The following EHBP1 variants were observed in gnomAD, a reference collection of about 807,000 sequenced individuals.
EHBP1 encodes EH domain-binding protein 1.
A neutral mutation model predicts 144.0 loss-of-function variants in EHBP1; 55 were observed. The observed-to-expected ratio is 0.38, with a 90% CI of 0.31 to 0.48. The LOEUF (loss-of-function observed/expected upper bound fraction) is 0.48. Among genes scored for constraint, EHBP1 ranks in the 20% least tolerant of loss-of-function variants. EHBP1 has a pLI of 0.98. For missense variants in EHBP1, 1,200 were observed against 1,364.2 expected (o/e 0.88, Z 1.90); for synonymous variants, 469 against 472.7 (o/e 0.99, Z 0.10).
intron 15 of EHBP1, among the ~76,000 whole-genome samples, chr2:62,980,203 G>A (rs991724848): frequency 6.6e-6 from 1 of 152,218 alleles, no homozygotes; most frequent in Admixed American, 6.5e-5. Flanking sequence ...GGGTAAGGAG[G>A]GATAGTTTCA....
At chr2:62,838,646 T>C (rs1251590967) in intron 7 of EHBP1, among the ~76,000 whole-genome samples, 1 of 150,634 alleles carries the variant, frequency 6.6e-6, no homozygotes, top group Non-Finnish European at 1.5e-5. Flanking sequence ...CAATAAAAAA[T>C]GATAAAGGGG....
At position 62,976,390 on chromosome 2, in the gene EHBP1, G is replaced by A. The variant is rs546172432; in HGVS notation, c.2461-2798G>A. Among the ~76,000 whole-genome samples the A allele has an allele frequency of 9.2e-5, 14 of 152,218 alleles. No homozygotes were observed. The South Asian group carries it at 2.5e-3, about 27-fold the overall frequency. On this transcript the variant is annotated intron_variant, in intron 14 of 22. Coordinates refer to ENST00000431489, the MANE Select transcript of EHBP1 (RefSeq NM_001142616.3). ...TTTCTACCCTTGTCCCTAATGATAT[G>A]TCACCAAGTTTTGTTTTGTTTTTTA... is the stretch of plus-strand genomic sequence containing the variant.
At chr2:62,944,048 T>C (rs1186592017) in intron 12 of EHBP1, among the ~76,000 whole-genome samples, 198 bp downstream of exon 12, 1 of 152,226 alleles carries the variant, frequency 6.6e-6, no homozygotes, top group Non-Finnish European at 1.5e-5. Flanking sequence ...AGTGCCAGGT[T>C]GGCATCATAT....
At chr2:62,981,069 C>CAAAAA (rs754301803) in intron 15 of EHBP1, among the ~76,000 whole-genome samples, 1 of 48,282 alleles carries the variant, frequency 2.1e-5, no homozygotes. Context: ...GATGCTGTCT[C>CAAAAA]AAAAAAAAAA....
At chr2:62,860,627 T>C (rs891571227) in intron 8 of EHBP1, among the ~76,000 whole-genome samples, 6 of 152,252 alleles carry the variant, frequency 3.9e-5, no homozygotes, top group African/African-American at 1.4e-4. Context: ...ACTAAGATTC[T>C]TAATCAGGTA....
intron 14 of EHBP1, among the ~76,000 whole-genome samples, chr2:62,974,468 A>G (rs184705363): frequency 6.6e-6 from 1 of 152,322 alleles, no homozygotes; most frequent in Admixed American, 6.5e-5. Context: ...TCACCATGAC[A>G]ACTTTGCGTA....
At chr2:62,818,607 C>A (rs1573513407) in intron 5 of EHBP1, among the ~76,000 whole-genome samples, 1 of 151,988 alleles carries the variant, frequency 6.6e-6, no homozygotes, top group East Asian at 1.9e-4. Flanking sequence ...CTTATATCAG[C>A]AAAGAAGAAC....
intron 10 of EHBP1, among the ~76,000 whole-genome samples, chr2:62,887,559 G>T (rs1349219029): frequency 1.4e-5 from 2 of 144,672 alleles, no homozygotes; most frequent in Admixed American, 1.4e-4. Context: ...GCAATATAGT[G>T]AGATAGGTCT....
At chr2:63,017,729 A>G (rs2060541609) in intron 19 of EHBP1, among the ~76,000 whole-genome samples, 1 of 152,216 alleles carries the variant, frequency 6.6e-6, no homozygotes. Flanking sequence ...ATAATGAATT[A>G]ATATTGTTCT....
intron 3 of EHBP1, among the ~76,000 whole-genome samples, chr2:62,763,585 G>A (rs545566493): frequency 6.6e-5 from 10 of 152,292 alleles, no homozygotes; most frequent in African/African-American, 2.2e-4. Flanking sequence ...TAGTTGAGTT[G>A]AGATGTCTTG....
At chr2:62,803,478 G>A (rs906249848) in intron 5 of EHBP1, among the ~76,000 whole-genome samples, 1 of 152,050 alleles carries the variant, frequency 6.6e-6, no homozygotes. Flanking sequence ...TTGTCACTTC[G>A]ATGGGTGAAA....
chr2:62,849,678 A>G (rs903460006), intron 7 of EHBP1, among the ~76,000 whole-genome samples: 1 of 152,234 alleles, frequency 6.6e-6, no homozygotes, highest in Non-Finnish European at 1.5e-5. Context: ...AAGATGATGC[A>G]AAGTATTATG....
chr2:62,777,030 A>G (rs2042096887), intron 5 of EHBP1, among the ~76,000 whole-genome samples: 1 of 152,188 alleles, frequency 6.6e-6, no homozygotes, highest in African/African-American at 2.4e-5. Context: ...GCTAGAGTGC[A>G]GTGTTGTGAT....
At chr2:62,692,264 T>C (rs773482997) in intron 1 of EHBP1, among the ~76,000 whole-genome samples, 9 of 152,238 alleles carry the variant, frequency 5.9e-5, no homozygotes, top group Non-Finnish European at 8.8e-5. Flanking sequence ...CCACATTTTG[T>C]TTATCCATTC....
At chr2:62,803,729 C>T (rs2044220241) in intron 5 of EHBP1, among the ~76,000 whole-genome samples, 1 of 152,154 alleles carries the variant, frequency 6.6e-6, no homozygotes, top group Admixed American at 6.5e-5. Flanking sequence ...TTCACCCTGT[C>T]ATTTTTTCAG....
At chr2:63,020,323 C>CAAAA (rs1001418542) in intron 19 of EHBP1, among the ~76,000 whole-genome samples, 5 of 45,276 alleles carry the variant, frequency 1.1e-4, no homozygotes, top group African/African-American at 1.7e-4. Context: ...GACTCTGTCT[C>CAAAA]AAAAAAAAAA....
intron 7 of EHBP1, among the ~76,000 whole-genome samples, chr2:62,856,815 C>T (rs1398696847): frequency 6.6e-6 from 1 of 152,208 alleles, no homozygotes; most frequent in Admixed American, 6.5e-5. Context: ...ACCTTCAATT[C>T]ATAAGGTGGC....
At chr2:63,000,984 A>G (rs1163771184) in intron 19 of EHBP1, among the ~76,000 whole-genome samples, 2 of 152,218 alleles carry the variant, frequency 1.3e-5, no homozygotes, top group African/African-American at 4.8e-5. Context: ...TTTAGTGCTA[A>G]TGGATCTGTG....
At chr2:62,740,445 T>C (rs1350736426) in intron 2 of EHBP1, among the ~76,000 whole-genome samples, 2 of 152,190 alleles carry the variant, frequency 1.3e-5, no homozygotes, top group Non-Finnish European at 2.9e-5. Flanking sequence ...GGTAGTTTAA[T>C]AGGAGGCAGA....
Sources: allele counts gnomAD v4.1 joint callset (sites outside exome capture counted in the v4.1 genomes callset), GRCh38; gene constraint gnomAD v4.1.1; transcripts MANE v1.5; gene names NCBI Gene and HGNC (gene_info 2026-07-23, HGNC 2026-07-21).